Variants in TXNDC12 observed in about 807,000 individuals in gnomAD.
The protein encoded by TXNDC12 is thioredoxin domain containing 12.
TXNDC12 carries 22 observed loss-of-function variants against 24.2 expected under a neutral mutation model. The observed-to-expected ratio is 0.91, with a 90% CI of 0.65 to 1.30. The LOEUF is 1.30. Ranked by LOEUF, TXNDC12 falls within the 50% of genes most tolerant of loss-of-function variation. TXNDC12 has a pLI of 0.00. For synonymous variants in TXNDC12, 58 were observed against 73.4 expected (o/e 0.79, Z 1.07); for missense variants, 184 against 205.8 (o/e 0.89, Z 0.65).
chr1:52,040,327 G>C (rs1030188711), intron 2 of TXNDC12, among the ~76,000 whole-genome samples: 1 of 151,940 alleles, frequency 6.6e-6, no homozygotes, highest in East Asian at 1.9e-4. Context: ...AGGCTCAATT[G>C]ATCCTCCCAC....
chr1:52,048,847 ACT>A (rs1030856761), intron 1 of TXNDC12, among the ~76,000 whole-genome samples: 31 of 151,908 alleles, frequency 2.0e-4, no homozygotes, highest in East Asian at 1.9e-4. Flanking sequence ...ACAGAGTGAG[ACT>A]CTGTCTCAAA....
At chr1:52,024,277 C>G (rs992772071) in intron 5 of TXNDC12, among the ~76,000 whole-genome samples, 7 of 152,198 alleles carry the variant, frequency 4.6e-5, no homozygotes, top group African/African-American at 1.7e-4. Context: ...CAGGCATGAG[C>G]CACTGTGCCC....
chr1:52,026,524 T>C (rs1259112186), intron 4 of TXNDC12, among the ~76,000 whole-genome samples: 1 of 152,240 alleles, frequency 6.6e-6, no homozygotes, highest in African/African-American at 2.4e-5. Context: ...GGTCTGCATG[T>C]ATGACTATAC....
chr1:52,041,169 A>G (rs960292333), intron 2 of TXNDC12, among the ~76,000 whole-genome samples: 2 of 152,032 alleles, frequency 1.3e-5, no homozygotes, highest in Non-Finnish European at 2.9e-5. Flanking sequence ...CGTCTCTACT[A>G]AAAATACAAA....
At position 52,026,897 on chromosome 1, in the gene TXNDC12, G is replaced by C. The variant is rs572373622; in HGVS notation, c.285+378C>G. Among the ~76,000 whole-genome samples, 8 of 152,196 alleles carry C rather than the reference G, an allele frequency of 5.3e-5. No individual in the cohort carries two copies. In the East Asian group the frequency reaches 1.5e-3, roughly 29 times the overall value. ...TTAAAAATATAAAAATTAGCCTGGT[G>C]TGGTGGTGCATGCCTGTAGTCCCAA... On this transcript the variant is annotated intron_variant, in intron 4 of 6. Coordinates refer to ENST00000371626, the MANE Select transcript of TXNDC12 (RefSeq NM_015913.4).
intron 1 of TXNDC12, chr1:52,051,902 A>G (rs1268728224): frequency 5.9e-6 from 1 of 169,310 alleles, no homozygotes; most frequent in African/African-American, 2.4e-5. Context: ...CTTCCCAAGA[A>G]TCCATACCCA....
chr1:52,040,282 G>A (rs1685960830), intron 2 of TXNDC12, among the ~76,000 whole-genome samples: 2 of 152,070 alleles, frequency 1.3e-5, no homozygotes. Context: ...GCAGTACAGT[G>A]GCATGGTCTT....
upstream of TXNDC12, chr1:52,055,298 T>C (rs1205031506): frequency 5.4e-6 from 3 of 551,932 alleles, no homozygotes; most frequent in African/African-American, 5.7e-5. Flanking sequence ...AGCTTAAAGG[T>C]GCAGATCACG....
chr1:52,033,430 C>T (rs1685817242), intron 2 of TXNDC12: 1 of 1,612,030 alleles, frequency 6.2e-7, no homozygotes, highest in African/African-American at 1.3e-5. Flanking sequence ...GATCGGGCCG[C>T]CGGGCCGTAC....
upstream of TXNDC12, chr1:52,055,332 C>G: frequency 4.2e-6 from 2 of 475,680 alleles, no homozygotes; most frequent in East Asian, 7.9e-5. Context: ...GAGCTGTTCT[C>G]GAGCGCGAGT....
chr1:52,038,766 T>C (rs527936537), intron 2 of TXNDC12, among the ~76,000 whole-genome samples: 10 of 152,330 alleles, frequency 6.6e-5, no homozygotes, highest in Non-Finnish European at 1.0e-4. Flanking sequence ...TCAATAGGTA[T>C]GCCTTTTTAT....
intron 5 of TXNDC12, 46 bp downstream of exon 5, chr1:52,024,464 T>A (rs1685645160): frequency 4.2e-6 from 6 of 1,445,636 alleles, no homozygotes; most frequent in Non-Finnish European, 5.8e-6. Flanking sequence ...TTCATTTCTC[T>A]CTCCATCCAC....
chr1:52,020,751 C>A lies in TXNDC12; in HGVS notation c.*182G>T. The A allele has an allele frequency of 1.8e-6, 1 of 545,384 alleles. No homozygotes were observed. Among genetic ancestry groups the A allele is most frequent in the Admixed American group, 3.4e-5 (1 of 29,044 alleles). The allele number at this position is 545,384 out of a possible 1,614,324, so 33.8% of individuals were successfully genotyped here. A position where few individuals can be genotyped will look rare whatever the true frequency, so the allele number is the denominator to read the frequency against. On this transcript the variant is annotated 3_prime_UTR_variant, in exon 7 of 7. Transcript: ENST00000371626. Reference sequence around the variant, plus strand: ...AAAGTCTGCCACTCTCCGCTGGATCCACAAACATGCAGACCAGCTTCTGTT... The same window carrying A: ...AAAGTCTGCCACTCTCCGCTGGATCAACAAACATGCAGACCAGCTTCTGTT...
rs868690794 is a variant in TXNDC12 at position 52,020,479 on chromosome 1, G to C, written c.*454C>G. ...GGTAGAATAACTGATTTACACTTAG[G>C]ATTTATTGTTATTGTTGTTGTTGTT... On this transcript the variant is annotated 3_prime_UTR_variant, in exon 7 of 7. Transcript: ENST00000371626. The C allele has an allele frequency of 1.7e-5, 4 of 238,840 alleles. No homozygotes were observed. The highest frequency in any genetic ancestry group is 9.0e-5 in the African/African-American group (4 of 44,624). 14.8% of individuals were successfully genotyped at this position (238,840 alleles called of 1,614,324 possible). A position where few individuals can be genotyped will look rare whatever the true frequency, so the allele number is the denominator to read the frequency against.
At position 52,020,290 on chromosome 1, in the gene TXNDC12, A is replaced by G. The variant is rs1571995290; in HGVS notation, c.*643T>C. The G allele has an allele frequency of 2.6e-6, 1 of 382,124 alleles. No homozygotes were observed. Among genetic ancestry groups the G allele is most frequent in the East Asian group, 5.9e-5 (1 of 16,886 alleles). The allele number at this position is 382,124 out of a possible 1,614,324, so 23.7% of individuals were successfully genotyped here. ...CAGTAACAAGGGAAAGCATGCTTCC[A>G]CCTGGAGCCGAGTCCAAGCACACAG... On this transcript the variant is annotated 3_prime_UTR_variant, in exon 7 of 7. Coordinates refer to ENST00000371626, the MANE Select transcript of TXNDC12 (RefSeq NM_015913.4).
intron 2 of TXNDC12, among the ~76,000 whole-genome samples, chr1:52,038,451 T>C (rs1685924719): frequency 6.6e-6 from 1 of 151,914 alleles, no homozygotes; most frequent in African/African-American, 2.4e-5. Flanking sequence ...GCTGGGATTA[T>C]AGGCATGGAC....
intron 2 of TXNDC12, among the ~76,000 whole-genome samples, chr1:52,039,640 C>T (rs140103541): frequency 0.01 from 1,525 of 152,214 alleles, 17 homozygotes; most frequent in Non-Finnish European, 0.015. Context: ...TGAGAAACTA[C>T]GTTATACTGC....
At chr1:52,027,687 C>G (rs1311361317) in intron 3 of TXNDC12, among the ~76,000 whole-genome samples, 2 of 151,288 alleles carry the variant, frequency 1.3e-5, no homozygotes, top group Non-Finnish European at 2.9e-5. Context: ...GAGTGACAGT[C>G]TGCCACACGT....
In TXNDC12 at chr1:52,032,662, A is replaced by G. The variant is rs1685785648; in HGVS notation, c.159-4032T>C. On this transcript the variant is annotated intron_variant, in intron 2 of 6. Coordinates refer to ENST00000371626, the MANE Select transcript of TXNDC12 (RefSeq NM_015913.4). ...CCCAGAGAAATAAAGTGGAGTGGAG[A>G]TCAGAAGCCATGGCTTCCCCCCTAC... 3.2e-6 allele frequency: 5 copies of G among 1,553,230 alleles called. No homozygotes were observed. The East Asian group carries it at 9.0e-5, about 28-fold the overall frequency.
Sources: allele counts gnomAD v4.1 joint callset (sites outside exome capture counted in the v4.1 genomes callset), GRCh38; gene constraint gnomAD v4.1.1; transcripts MANE v1.5; gene names NCBI Gene and HGNC (gene_info 2026-07-23, HGNC 2026-07-21).